DYNC1I1: variants seen among roughly 807,000 people sequenced by gnomAD.
DYNC1I1 encodes cytoplasmic dynein 1 intermediate chain 1.
DYNC1I1 carries 43 observed loss-of-function variants against 86.6 expected under a neutral mutation model. The ratio of observed to expected loss-of-function variants is 0.50; its 90% CI spans 0.39 to 0.64. The LOEUF (loss-of-function observed/expected upper bound fraction) is 0.64. Among genes scored for constraint, DYNC1I1 ranks in the 30% least tolerant of loss-of-function variants. The pLI is 0.00. For missense variants in DYNC1I1, 604 were observed against 788.8 expected (o/e 0.77, Z 2.81); for synonymous variants, 262 against 283.7 (o/e 0.92, Z 0.77).
At chr7:96,022,285 G>A (rs971143778) in intron 10 of DYNC1I1, among the ~76,000 whole-genome samples, 1 of 152,120 alleles carries the variant, frequency 6.6e-6, no homozygotes, top group Non-Finnish European at 1.5e-5. Flanking sequence ...CACGTGATAG[G>A]GTCTAAATAC....
Position 95,947,200 on chromosome 7 carries a change from T to G in DYNC1I1, c.491-30312T>G, listed in dbSNP as rs114787239. ...AATAAAATAGTGTGTGCAAAATACC[T>G]AGCGCAGTGAGTGTTCTGTGAAAAT... On this transcript the variant is annotated intron_variant, in intron 6 of 16. Coordinates refer to ENST00000447467, the MANE Select transcript of DYNC1I1 (RefSeq NM_001135556.2). Among the ~76,000 whole-genome samples the G allele has an allele frequency of 4.9e-3, 750 of 152,304 alleles. 6 individuals carry two copies. The highest frequency in any genetic ancestry group is 0.017 in the African/African-American group (716 of 41,568).
intron 5 of DYNC1I1, among the ~76,000 whole-genome samples, chr7:95,843,688 T>C (rs925501150): frequency 6.6e-6 from 1 of 152,046 alleles, no homozygotes; most frequent in African/African-American, 2.4e-5. Context: ...AAAAGGGAGA[T>C]GATATGGCTT....
intron 16 of DYNC1I1, among the ~76,000 whole-genome samples, chr7:96,081,763 A>G (rs1790526272): frequency 6.6e-6 from 1 of 152,188 alleles, no homozygotes. Context: ...TTGTTCTACA[A>G]TGGAACTTTT....
At chr7:95,773,138 C>G (rs2115593209) in intron 1 of DYNC1I1, among the ~76,000 whole-genome samples, 1 of 152,330 alleles carries the variant, frequency 6.6e-6, no homozygotes, top group East Asian at 1.9e-4. Context: ...CTGCACCCCT[C>G]TGGGCCACCG....
chr7:96,013,814 C>T (rs1378336605), intron 10 of DYNC1I1, among the ~76,000 whole-genome samples: 7 of 152,140 alleles, frequency 4.6e-5, no homozygotes, highest in Non-Finnish European at 1.0e-4. Flanking sequence ...GCACAAAGAA[C>T]AACACAGAGA....
rs545857756 is a variant in DYNC1I1 at position 95,804,869 on chromosome 7, A to G, written c.108+32A>G. On this transcript the variant is annotated intron_variant, in intron 2 of 16. Coordinates refer to ENST00000447467, the MANE Select transcript of DYNC1I1 (RefSeq NM_001135556.2). ...CCTGGGTGTTGGGGTGTTGTGGGGGAAAAAGGAAAATCACTTGATTCTGAG... is the reference window on the plus strand; with the variant it reads ...CCTGGGTGTTGGGGTGTTGTGGGGGGAAAAGGAAAATCACTTGATTCTGAG... 1.0e-4 allele frequency: 154 copies of G among 1,530,826 alleles called. 12 individuals are homozygous for G. Among genetic ancestry groups the G allele is most frequent in the Non-Finnish European group, 1.1e-5 (12 of 1,138,962 alleles). The allele number at this position is 1,530,826 out of a possible 1,614,324, so 94.8% of individuals were successfully genotyped here. A position where few individuals can be genotyped will look rare whatever the true frequency, so the allele number is the denominator to read the frequency against.
chr7:96,075,657 C>G (rs1488812079), intron 14 of DYNC1I1, among the ~76,000 whole-genome samples: 1 of 152,176 alleles, frequency 6.6e-6, no homozygotes, highest in Non-Finnish European at 1.5e-5. Context: ...CGGTCGGGAC[C>G]GCCGGGGCTT....
chr7:95,844,802 T>A (rs1789383119), intron 5 of DYNC1I1, among the ~76,000 whole-genome samples: 1 of 152,106 alleles, frequency 6.6e-6, no homozygotes, highest in Admixed American at 6.6e-5. Flanking sequence ...CAATCTTAGA[T>A]TGTACAGTAG....
chr7:96,051,363 C>T (rs1217568793), intron 14 of DYNC1I1, among the ~76,000 whole-genome samples: 1 of 152,130 alleles, frequency 6.6e-6, no homozygotes, highest in Non-Finnish European at 1.5e-5. Context: ...CTGCTCTCAA[C>T]TTTTGGGTCT....
At chr7:96,054,048 T>C (rs984329482) in intron 14 of DYNC1I1, among the ~76,000 whole-genome samples, 1 of 151,968 alleles carries the variant, frequency 6.6e-6, no homozygotes, top group African/African-American at 2.4e-5. Context: ...GTGCCATAGG[T>C]TTGTTATATA....
At chr7:95,783,000 TG>T (rs1313070624) in intron 1 of DYNC1I1, among the ~76,000 whole-genome samples, 1 of 152,098 alleles carries the variant, frequency 6.6e-6, no homozygotes, top group Non-Finnish European at 1.5e-5. Flanking sequence ...GGGGTTTTTG[TG>T]GGTACAGGAT....
chr7:95,844,598 G>A (rs977089814), intron 5 of DYNC1I1, among the ~76,000 whole-genome samples: 6 of 151,808 alleles, frequency 4.0e-5, no homozygotes, highest in Non-Finnish European at 7.4e-5. Context: ...GTCGGGCGGC[G>A]GGGGGTTAGA....
chr7:95,870,661 A>T (rs767582228), intron 6 of DYNC1I1, among the ~76,000 whole-genome samples: 8 of 152,262 alleles, frequency 5.3e-5, no homozygotes, highest in Non-Finnish European at 1.2e-4. Flanking sequence ...GGTGAATGGA[A>T]ATTGAACTCC....
At chr7:95,917,559 C>T (rs1005617770) in intron 6 of DYNC1I1, among the ~76,000 whole-genome samples, 2 of 152,180 alleles carry the variant, frequency 1.3e-5, no homozygotes, top group Admixed American at 6.5e-5. Flanking sequence ...ATTTACAGAA[C>T]CCCATCCCCA....
intron 13 of DYNC1I1, 53 bp downstream of exon 13, chr7:96,035,805 T>C: frequency 6.3e-7 from 1 of 1,593,484 alleles, no homozygotes; most frequent in Non-Finnish European, 8.5e-7. Flanking sequence ...CGAAAGTCTG[T>C]TATCACATTC....
At chr7:95,801,608 C>CTTTTTAGAT (rs1794579162) in intron 1 of DYNC1I1, among the ~76,000 whole-genome samples, 1 of 152,144 alleles carries the variant, frequency 6.6e-6, no homozygotes, top group African/African-American at 2.4e-5. Context: ...GAAGATTCTC[C>CTTTTTAGAT]TGGCTGCTTT....
At chr7:95,820,926 G>C (rs1795061261) in intron 4 of DYNC1I1, among the ~76,000 whole-genome samples, 1 of 152,164 alleles carries the variant, frequency 6.6e-6, no homozygotes, top group African/African-American at 2.4e-5. Context: ...TCTTCAGTAT[G>C]GAAGTGAGTC....
chr7:95,802,865 A>G (rs901258871), intron 1 of DYNC1I1: 1 of 152,152 alleles, frequency 6.6e-6, no homozygotes, highest in Non-Finnish European at 1.5e-5. Context: ...CTTGCACTCA[A>G]TCTGTCAGTT....
chr7:95,945,720 G>A (rs1792380631), intron 6 of DYNC1I1, among the ~76,000 whole-genome samples: 1 of 152,014 alleles, frequency 6.6e-6, no homozygotes, highest in African/African-American at 2.4e-5. Context: ...CTTTTCTAGT[G>A]GAGGATTAAT....
Sources: gnomAD v4.1 joint callset for allele counts (sites outside exome capture counted in the v4.1 genomes callset) on GRCh38, gnomAD v4.1.1 for gene constraint, MANE v1.5 for transcripts, NCBI Gene and HGNC (gene_info 2026-07-23, HGNC 2026-07-21) for gene names.